The following FSHR variants were observed in gnomAD, a reference collection of about 807,000 sequenced individuals.
The protein encoded by FSHR is follicle stimulating hormone receptor.
FSHR carries 46 observed loss-of-function variants against 52.1 expected under a neutral mutation model. The observed-to-expected ratio is 0.88, with a 90% CI of 0.70 to 1.13. FSHR has a LOEUF of 1.13. Ranked by LOEUF, FSHR falls within the 50% of genes most tolerant of loss-of-function variation. The probability of loss-of-function intolerance (pLI) is 0.00; values close to 1 mark genes in which losing one functional copy is unlikely to be tolerated. For synonymous variants in FSHR, 399 were observed against 309.6 expected (o/e 1.29, Z -3.03); for missense variants, 964 against 834.6 (o/e 1.16, Z -1.91).
At position 49,058,447 on chromosome 2, in the gene FSHR, T is replaced by C. The variant is rs189466110; in HGVS notation, c.224+9772A>G. 1.9e-3 allele frequency among the ~76,000 whole-genome samples: 290 copies of C among 152,132 alleles called. 1 individual carries two copies. Among genetic ancestry groups the C allele is most frequent in the African/African-American group, 6.7e-3 (279 of 41,520 alleles). Reference sequence around the variant, plus strand: ...CTGTAGTCCCAGCTACTTGGGAGGCTGAGGCAGGGGAATCGCTGGAACCGG... The same window carrying C: ...CTGTAGTCCCAGCTACTTGGGAGGCCGAGGCAGGGGAATCGCTGGAACCGG... On this transcript the variant is annotated intron_variant, in intron 2 of 9. Coordinates refer to ENST00000406846, the MANE Select transcript of FSHR (RefSeq NM_000145.4).
chr2:49,039,727 C>A (rs557025434), intron 2 of FSHR, among the ~76,000 whole-genome samples: 1 of 152,222 alleles, frequency 6.6e-6, no homozygotes, highest in South Asian at 2.1e-4. Context: ...TAATGGCCAT[C>A]AGTTTCCTCT....
intron 2 of FSHR, among the ~76,000 whole-genome samples, chr2:49,048,723 G>T (rs13004879): frequency 0.41 from 63,007 of 151,984 alleles, 14,114 homozygotes; most frequent in South Asian, 0.5. Context: ...CTAGCTCCTG[G>T]ACTTTTCCTC....
At chr2:49,014,945 G>C in intron 4 of FSHR, 2 of 469,438 alleles carry the variant, frequency 4.3e-6, no homozygotes, top group Non-Finnish European at 8.8e-6. Context: ...AGAAGAGAAG[G>C]ATCTGGAAGG....
intron 1 of FSHR, among the ~76,000 whole-genome samples, chr2:49,122,594 C>T (rs755441330): frequency 2.6e-5 from 4 of 152,148 alleles, no homozygotes; most frequent in Non-Finnish European, 5.9e-5. Flanking sequence ...ATTCTGTCTC[C>T]TCCCTGTTAC....
chr2:49,073,793 A>G lies in FSHR; in HGVS notation c.153-5503T>C, dbSNP rs574028370. Among the ~76,000 whole-genome samples the G allele has an allele frequency of 2.0e-5, 3 of 152,262 alleles. No homozygotes were observed. The East Asian group carries it at 5.8e-4, about 29-fold the overall frequency. ...ACATTCTCAGACTTCAAAATATACTACAAAGCTATAGTAACCAAAACAACA... is the reference window on the plus strand; with the variant it reads ...ACATTCTCAGACTTCAAAATATACTGCAAAGCTATAGTAACCAAAACAACA... On this transcript the variant is annotated intron_variant, in intron 1 of 9. Coordinates refer to ENST00000406846, the MANE Select transcript of FSHR (RefSeq NM_000145.4).
intron 4 of FSHR, among the ~76,000 whole-genome samples, chr2:49,013,497 T>TAA (rs1270296746): frequency 3.0e-5 from 2 of 66,560 alleles, no homozygotes; most frequent in African/African-American, 7.3e-5. Context: ...TATATATATA[T>TAA]ATAAATATAT....
chr2:49,115,430 A>T (rs1671565553), intron 1 of FSHR, among the ~76,000 whole-genome samples: 1 of 152,172 alleles, frequency 6.6e-6, no homozygotes, highest in Non-Finnish European at 1.5e-5. Context: ...CAGTGTGGTC[A>T]TGATTTTTAT....
At chr2:49,118,902 G>A (rs866683884) in intron 1 of FSHR, among the ~76,000 whole-genome samples, 14 of 152,190 alleles carry the variant, frequency 9.2e-5, no homozygotes, top group African/African-American at 3.1e-4. Flanking sequence ...ATCCTCTCTT[G>A]AGTATACCTG....
intron 6 of FSHR, among the ~76,000 whole-genome samples, chr2:48,987,739 CTCT>C (rs1299093891): frequency 6.6e-6 from 1 of 151,824 alleles, no homozygotes; most frequent in Non-Finnish European, 1.5e-5. Context: ...AGAATGATTG[CTCT>C]TTTTTTCTTT....
chr2:49,083,330 G>A (rs958479030), intron 1 of FSHR, among the ~76,000 whole-genome samples: 3 of 149,946 alleles, frequency 2.0e-5, no homozygotes, highest in Non-Finnish European at 4.4e-5. Context: ...TGCCCTAAAA[G>A]AGCTCCTGAA....
At chr2:49,014,960 G>C (rs1345237293) in intron 4 of FSHR, 2 of 462,520 alleles carry the variant, frequency 4.3e-6, no homozygotes, top group African/African-American at 2.0e-5. Context: ...GGAAGGGAGA[G>C]ATAGAGTTGG....
intron 1 of FSHR, among the ~76,000 whole-genome samples, chr2:49,099,649 G>A (rs1052018957): frequency 6.6e-6 from 1 of 152,056 alleles, no homozygotes; most frequent in African/African-American, 2.4e-5. Context: ...GACATACAGG[G>A]AAAAGAATGC....
chr2:49,092,767 G>A (rs1385491675), intron 1 of FSHR, among the ~76,000 whole-genome samples: 1 of 152,188 alleles, frequency 6.6e-6, no homozygotes, highest in African/African-American at 2.4e-5. Flanking sequence ...CCGGGTTCAA[G>A]TGATTCTCCT....
At chr2:49,140,331 C>G (rs1049485181) in intron 1 of FSHR, among the ~76,000 whole-genome samples, 16 of 151,638 alleles carry the variant, frequency 1.1e-4, no homozygotes, top group Admixed American at 5.9e-4. Context: ...CCCATTCTCT[C>G]TCTTGCTCCT....
intron 2 of FSHR, among the ~76,000 whole-genome samples, chr2:49,047,410 G>T (rs1038603013): frequency 1.3e-5 from 2 of 152,196 alleles, no homozygotes; most frequent in African/African-American, 4.8e-5. Context: ...AGAGTGAGGA[G>T]CCCATCAAAA....
intron 4 of FSHR, among the ~76,000 whole-genome samples, chr2:49,007,368 A>G (rs1188085743): frequency 1.3e-5 from 2 of 152,154 alleles, no homozygotes; most frequent in African/African-American, 4.8e-5. Flanking sequence ...CAAATGCAAC[A>G]AAGGATGATA....
chr2:49,078,483 A>G (rs989026059), intron 1 of FSHR, among the ~76,000 whole-genome samples: 20 of 152,346 alleles, frequency 1.3e-4, no homozygotes, highest in African/African-American at 4.6e-4. Flanking sequence ...GGACAATAAA[A>G]GGAAATAATA....
rs138465237 is a variant in FSHR at position 49,128,597 on chromosome 2, TAAC to T, written c.152+25666_152+25668del. Among the ~76,000 whole-genome samples the T allele has an allele frequency of 1.6e-3, 247 of 152,024 alleles. 6 individuals are homozygous for T. The East Asian group carries it at 0.043, about 26-fold the overall frequency. ...CTGCTGCTACTGTAACACTCACAGA[TAAC>T]AACACTAAAGTACCTGTCTTCTGTT... On this transcript the variant is annotated intron_variant, in intron 1 of 9. Transcript: ENST00000406846.
chr2:49,151,155 T>TTC (rs1238743022), intron 1 of FSHR, among the ~76,000 whole-genome samples: 2 of 151,478 alleles, frequency 1.3e-5, no homozygotes, highest in East Asian at 3.9e-4. Context: ...TTTTTTTTTT[T>TTC]TTTTCAGAAT....
Sources: gnomAD v4.1 joint callset for allele counts (sites outside exome capture counted in the v4.1 genomes callset) on GRCh38, gnomAD v4.1.1 for gene constraint, MANE v1.5 for transcripts, NCBI Gene and HGNC (gene_info 2026-07-23, HGNC 2026-07-21) for gene names.